The following IDO2 variants were observed in gnomAD, a reference collection of about 807,000 sequenced individuals.
The protein encoded by IDO2 is indoleamine 2,3-dioxygenase-like 1 protein.
In IDO2, 46 loss-of-function variants were observed where a neutral mutation model predicts 45.1. The ratio of observed to expected loss-of-function variants is 1.02; its 90% CI spans 0.80 to 1.30. The LOEUF is 1.30. IDO2 is among the 50% of genes most tolerant of loss of function. IDO2 has a pLI of 0.00. For missense variants in IDO2, 544 were observed against 491.8 expected (o/e 1.11, Z -1.00); for synonymous variants, 218 against 184.9 (o/e 1.18, Z -1.45).
At chr8:39,989,433 A>T (rs947800692) in intron 7 of IDO2, among the ~76,000 whole-genome samples, 2 of 152,052 alleles carry the variant, frequency 1.3e-5, no homozygotes, top group African/African-American at 4.8e-5. Flanking sequence ...ATAACGTGAC[A>T]AATCCGAGAG....
chr8:39,940,547 T>A (rs12156204), intron 1 of IDO2, among the ~76,000 whole-genome samples: 1 of 152,096 alleles, frequency 6.6e-6, no homozygotes, highest in East Asian at 1.9e-4. Context: ...GTATTAGCAG[T>A]TGAGATGTAT....
Position 39,934,938 on chromosome 8 carries a change from AC to A in IDO2, c.-297del, listed in dbSNP as rs1807523318. ...TGTCTGCAAAGTTGAGTCCATACAC[AC>A]TGGTTTGGAAATTTCAGTCCAGATG... On this transcript the variant is annotated 5_prime_UTR_variant, in exon 1 of 11. The change creates a new upstream start codon in the 5' untranslated region. Coordinates refer to ENST00000502986, the Ensembl canonical transcript of IDO2. 1 of 611,648 alleles carries A rather than the reference AC, an allele frequency of 1.6e-6. No homozygotes were observed. Among genetic ancestry groups the A allele is most frequent in the South Asian group, 2.0e-5 (1 of 51,276 alleles). The allele number at this position is 611,648 out of a possible 1,614,324, so 37.9% of individuals were successfully genotyped here.
At chr8:40,013,295 T>C (rs2955895) in intron 9 of IDO2, among the ~76,000 whole-genome samples, 121,887 of 152,030 alleles carry the variant, frequency 0.8, 49,465 homozygotes, top group East Asian at 0.99. Flanking sequence ...TCTTGGGACC[T>C]GTGCCACAAA....
chr8:39,936,886 A>G (rs1397802074), intron 1 of IDO2, among the ~76,000 whole-genome samples: 1 of 152,226 alleles, frequency 6.6e-6, no homozygotes, highest in East Asian at 1.9e-4. Flanking sequence ...GTATGCATAG[A>G]CAATCTGGCA....
At chr8:39,984,083 G>A (rs1434122076) in intron 5 of IDO2, among the ~76,000 whole-genome samples, 1 of 152,060 alleles carries the variant, frequency 6.6e-6, no homozygotes, top group Non-Finnish European at 1.5e-5. Flanking sequence ...TTCTGTTCAA[G>A]GTACTGAATA....
In IDO2 at chr8:40,008,858, T is replaced by C. The variant is rs114348063; in HGVS notation, c.719+3480T>C. Among the ~76,000 whole-genome samples the C allele has an allele frequency of 5.8e-3, 879 of 152,332 alleles. 4 individuals carry two copies. The highest frequency in any genetic ancestry group is 0.02 in the African/African-American group (836 of 41,570). On this transcript the variant is annotated intron_variant, in intron 9 of 10. Transcript: ENST00000502986. ...ACCCTCAAAATATTTCCCATGTAGC[T>C]AAGTGGCCAGTACCGAATCCTACAT...
At position 39,982,810 on chromosome 8, in the gene IDO2, C is replaced by T; in HGVS notation, c.434+40C>T. 2.3e-6 allele frequency: 3 copies of T among 1,288,396 alleles called. No homozygotes were observed. The South Asian group carries it at 4.1e-5, about 18-fold the overall frequency. 79.8% of individuals were successfully genotyped at this position (1,288,396 alleles called of 1,614,324 possible). Reference sequence around the variant, plus strand: ...GAATGCTTTGAATTTCCATAACTTTCCCCCAGGAAACACCCAGGCTTTTTT... The same window carrying T: ...GAATGCTTTGAATTTCCATAACTTTTCCCCAGGAAACACCCAGGCTTTTTT... On this transcript the variant is annotated intron_variant, in intron 5 of 10. Coordinates refer to ENST00000502986, the Ensembl canonical transcript of IDO2.
chr8:39,980,668 C>T (rs558070751), intron 4 of IDO2, among the ~76,000 whole-genome samples: 10 of 152,264 alleles, frequency 6.6e-5, no homozygotes, highest in South Asian at 2.1e-4. Context: ...TCTTGTCTCT[C>T]GGGGAAACAC....
chr8:40,014,984 A>G (rs932580249), intron 10 of IDO2, among the ~76,000 whole-genome samples: 3 of 152,106 alleles, frequency 2.0e-5, no homozygotes, highest in Non-Finnish European at 4.4e-5. Flanking sequence ...ACCCGTCTCT[A>G]CTAAAAGGAA....
At chr8:40,010,766 G>A (rs62511379) in intron 9 of IDO2, among the ~76,000 whole-genome samples, 29 of 152,174 alleles carry the variant, frequency 1.9e-4, no homozygotes, top group Admixed American at 3.9e-4. Flanking sequence ...AACAGGTTTA[G>A]CAAAGAAGAA....
chr8:40,010,437 C>T (rs559749843), intron 9 of IDO2, among the ~76,000 whole-genome samples: 4 of 152,216 alleles, frequency 2.6e-5, no homozygotes, highest in South Asian at 4.1e-4. Context: ...ATGGACAACA[C>T]GGACACGTTT....
At chr8:39,972,171 C>T (rs1459226394) in intron 3 of IDO2, among the ~76,000 whole-genome samples, 1 of 152,176 alleles carries the variant, frequency 6.6e-6, no homozygotes, top group Non-Finnish European at 1.5e-5. Context: ...TTGCACAACA[C>T]AGAATTTACT....
intron 8 of IDO2, among the ~76,000 whole-genome samples, chr8:40,001,671 G>A (rs1223919825): frequency 6.6e-6 from 1 of 151,900 alleles, no homozygotes; most frequent in Non-Finnish European, 1.5e-5. Context: ...TTTGTCTTAT[G>A]CCTTTTGAAA....
In IDO2 at chr8:39,945,403, C is replaced by T. The variant is rs187358645; in HGVS notation, c.-17-3746C>T. ...ATGATCTGAGGGAGGATCTTTCAGC[C>T]CTCTGAGGTCAAAAGTGAAGGAGAG... is the stretch of plus-strand genomic sequence containing the variant. On this transcript the variant is annotated intron_variant, in intron 1 of 10. Coordinates refer to ENST00000502986, the Ensembl canonical transcript of IDO2. 1.8e-3 allele frequency among the ~76,000 whole-genome samples: 277 copies of T among 152,258 alleles called. 3 individuals carry two copies. The highest frequency in any genetic ancestry group is 6.3e-3 in the African/African-American group (262 of 41,538).
chr8:39,963,094 A>G (rs530555544), intron 2 of IDO2, among the ~76,000 whole-genome samples: 11 of 152,188 alleles, frequency 7.2e-5, no homozygotes, highest in African/African-American at 2.6e-4. Flanking sequence ...TCCTGCCTCT[A>G]TCACTTTCTC....
In IDO2 at chr8:40,013,493, A is replaced by T. The variant is rs375753907; in HGVS notation, c.720-72A>T. 5 of 1,271,080 alleles carry T rather than the reference A, an allele frequency of 3.9e-6. No individual in the cohort carries two copies. The highest frequency in any genetic ancestry group is 5.5e-6 in the Non-Finnish European group (5 of 911,216). The allele number at this position is 1,271,080 out of a possible 1,614,324, so 78.7% of individuals were successfully genotyped here. A position where few individuals can be genotyped will look rare whatever the true frequency, so the allele number is the denominator to read the frequency against. ...CATGTTCCCTTTCTCATTCACTCTC[A>T]GTTTCCATGTCAGAAAATATACCAT... On this transcript the variant is annotated intron_variant, in intron 9 of 10. Transcript: ENST00000502986.
intron 1 of IDO2, among the ~76,000 whole-genome samples, chr8:39,938,368 T>C (rs1306327531): frequency 6.6e-6 from 1 of 152,164 alleles, no homozygotes; most frequent in Middle Eastern, 3.2e-3. Flanking sequence ...AGGAAATATA[T>C]CTGTAAATGA....
At chr8:39,990,728 T>C (rs903920145) in intron 8 of IDO2, among the ~76,000 whole-genome samples, 2 of 152,340 alleles carry the variant, frequency 1.3e-5, no homozygotes, top group Non-Finnish European at 2.9e-5. Context: ...TGTATTCCCA[T>C]TGCAATGCCC....
At chr8:39,979,213 G>A (rs1301516159) in intron 4 of IDO2, 27 bp downstream of exon 4, 2 of 1,559,244 alleles carry the variant, frequency 1.3e-6, no homozygotes, top group Non-Finnish European at 1.7e-6. Flanking sequence ...AGCTTCTCCT[G>A]TTACCCGGCA....
Sources: allele counts gnomAD v4.1 joint callset (sites outside exome capture counted in the v4.1 genomes callset), GRCh38; gene constraint gnomAD v4.1.1; transcripts MANE v1.5; gene names NCBI Gene and HGNC (gene_info 2026-07-23, HGNC 2026-07-21).